Variants in SESTD1 observed in about 807,000 individuals in gnomAD.
SESTD1 encodes the protein SEC14 and spectrin domain containing 1, also known as SEC14 domain and spectrin repeat-containing protein 1.
A neutral mutation model predicts 101.7 loss-of-function variants in SESTD1; 43 were observed. That is an observed-to-expected ratio of 0.42 (90% CI 0.33 to 0.55). The LOEUF is 0.55. Among genes scored for constraint, SESTD1 ranks in the 20% least tolerant of loss-of-function variants. SESTD1 has a pLI of 0.07. For synonymous variants in SESTD1, 283 were observed against 286.8 expected, an observed-to-expected ratio of 0.99 and a Z score of 0.13; for missense variants, 647 against 815.1, an observed-to-expected ratio of 0.79 and a Z score of 2.51.
chr2:179,203,187 A>C (rs1192620515), intron 1 of SESTD1, among the ~76,000 whole-genome samples: 1 of 133,672 alleles, frequency 7.5e-6, no homozygotes, highest in Non-Finnish European at 1.6e-5. Context: ...TTGCAGCATG[A>C]CTCTATACAA....
At chr2:179,239,545 G>C (rs985574083) in intron 1 of SESTD1, among the ~76,000 whole-genome samples, 8 of 152,080 alleles carry the variant, frequency 5.3e-5, no homozygotes, top group African/African-American at 1.9e-4. Flanking sequence ...ATCATGTGGG[G>C]AGCTTTTAAA....
intron 1 of SESTD1, among the ~76,000 whole-genome samples, chr2:179,239,524 T>C (rs1359011523): frequency 6.6e-6 from 1 of 152,140 alleles, no homozygotes; most frequent in African/African-American, 2.4e-5. Flanking sequence ...TTAACCCAGC[T>C]ACACATTAGA....
chr2:179,215,758 C>T lies in SESTD1; in HGVS notation c.-25-23892G>A, dbSNP rs1212470465. On this transcript the variant is annotated intron_variant, in intron 1 of 17. Coordinates refer to ENST00000428443, the MANE Select transcript of SESTD1 (RefSeq NM_178123.5). ...AAATCCTCAATAAAATACTGGCAAA[C>T]CAAATCCAGCAGCACATCAATAGCT... Among the ~76,000 whole-genome samples the T allele has an allele frequency of 1.5e-5, 2 of 135,012 alleles. 1 individual carries two copies. The highest frequency in any genetic ancestry group is 5.9e-5 in the African/African-American group (2 of 34,108). 88.6% of individuals were successfully genotyped at this position (135,012 alleles called of 152,430 possible).
chr2:179,180,604 A>G (rs1402059434), intron 3 of SESTD1, among the ~76,000 whole-genome samples: 2 of 152,222 alleles, frequency 1.3e-5, no homozygotes. Context: ...TGATAAAAAC[A>G]AAGTACATTA....
At chr2:179,151,432 C>CTA (rs1427151866) in intron 5 of SESTD1, 41 bp from the exon 6 acceptor site, 2 of 1,452,514 alleles carry the variant, frequency 1.4e-6, no homozygotes, top group Non-Finnish European at 1.9e-6. Flanking sequence ...TAGTAACCCA[C>CTA]TATTAAAATC....
intron 1 of SESTD1, among the ~76,000 whole-genome samples, chr2:179,253,506 T>A (rs1279910256): frequency 8.5e-5 from 13 of 152,206 alleles, no homozygotes; most frequent in Admixed American, 7.2e-4. Flanking sequence ...GTTCTGCAAA[T>A]CCAAAATTAT....
chr2:179,165,740 C>T, intron 5 of SESTD1, among the ~76,000 whole-genome samples: 1 of 152,328 alleles, frequency 6.6e-6, no homozygotes, highest in South Asian at 2.1e-4. Flanking sequence ...GATCCAGCAG[C>T]CTTGGTCATC....
At chr2:179,128,320 T>C (rs368685691) in intron 10 of SESTD1, among the ~76,000 whole-genome samples, 49 of 152,320 alleles carry the variant, frequency 3.2e-4, no homozygotes, top group African/African-American at 1.0e-3. Context: ...GACATTGATA[T>C]TACCGATTGA....
chr2:179,103,666 CTATTTA>C lies in SESTD1; in HGVS notation c.*6227_*6232del, dbSNP rs914371264. 6.6e-6 allele frequency: 1 copy of C among 151,988 alleles called. No homozygotes were observed. The highest frequency in any genetic ancestry group is 1.5e-5 in the Non-Finnish European group (1 of 68,004). 9.4% of individuals were successfully genotyped at this position (151,988 alleles called of 1,614,324 possible). A position where few individuals can be genotyped will look rare whatever the true frequency, so the allele number is the denominator to read the frequency against. Reference sequence around the variant, plus strand: ...AGAAAAGCGTACATGTTGCGTGACTCTATTTATATAAAGTTTTAGAACAGAAAAATC... The same window carrying C: ...AGAAAAGCGTACATGTTGCGTGACTCTATAAAGTTTTAGAACAGAAAAATC... On this transcript the variant is annotated 3_prime_UTR_variant, in exon 18 of 18. Transcript: ENST00000428443.
intron 8 of SESTD1, 21 bp from the exon 9 acceptor site, chr2:179,143,824 T>C: frequency 6.2e-7 from 1 of 1,605,790 alleles, no homozygotes; most frequent in Non-Finnish European, 8.5e-7. Context: ...AAAAGATACT[T>C]GAAATTAATA....
At chr2:179,137,785 G>C (rs550112004) in intron 9 of SESTD1, among the ~76,000 whole-genome samples, 33 of 152,082 alleles carry the variant, frequency 2.2e-4, no homozygotes, top group Non-Finnish European at 3.5e-4. Context: ...TTTCAGTGAT[G>C]AGTCATTAAA....
intron 1 of SESTD1, among the ~76,000 whole-genome samples, chr2:179,244,486 A>AC (rs1277486665): frequency 6.6e-6 from 1 of 151,926 alleles, no homozygotes. Flanking sequence ...AAAAAAAAAA[A>AC]ACATGGAGGC....
At position 179,246,699 on chromosome 2, in the gene SESTD1, G is replaced by C. The variant is rs565704445; in HGVS notation, c.-26+17800C>G. The stretch of plus-strand genomic sequence containing the variant: ...AGATAGATCAAACCAAGATAGACCT[G>C]AGCAATAAAGCAAATCTCAACAAAT... On this transcript the variant is annotated intron_variant, in intron 1 of 17. Transcript: ENST00000428443. Among the ~76,000 whole-genome samples, 4 of 152,268 alleles carry C rather than the reference G, an allele frequency of 2.6e-5. No individual in the cohort carries two copies. In the East Asian group the frequency reaches 7.7e-4, roughly 29 times the overall value.
At chr2:179,149,438 A>T (rs767445116) in intron 6 of SESTD1, 44 bp from the exon 7 acceptor site, 1 of 1,288,576 alleles carries the variant, frequency 7.8e-7, no homozygotes, top group Admixed American at 2.4e-5. Context: ...AGTCTTAAAA[A>T]TTAATATGTA....
At chr2:179,238,535 G>C (rs1262876340) in intron 1 of SESTD1, among the ~76,000 whole-genome samples, 1 of 152,090 alleles carries the variant, frequency 6.6e-6, no homozygotes. Flanking sequence ...ACCATTCCTA[G>C]AGATTAACCT....
intron 13 of SESTD1, among the ~76,000 whole-genome samples, chr2:179,121,361 T>A (rs1002524151): frequency 6.6e-6 from 1 of 152,174 alleles, no homozygotes; most frequent in African/African-American, 2.4e-5. Context: ...ATGAGAACAA[T>A]GAATGTGTGA....
intron 5 of SESTD1, among the ~76,000 whole-genome samples, chr2:179,155,907 A>G (rs1170206827): frequency 2.0e-5 from 3 of 151,862 alleles, no homozygotes; most frequent in Admixed American, 2.0e-4. Context: ...CCTTTCCCCC[A>G]AGTCTCCAAA....
chr2:179,138,682 T>C (rs575342060), intron 9 of SESTD1, among the ~76,000 whole-genome samples: 1 of 151,890 alleles, frequency 6.6e-6, no homozygotes, highest in Admixed American at 6.6e-5. Context: ...CTGGGAAGCA[T>C]GGTGAAACCC....
At chr2:179,249,203 C>A (rs1200346870) in intron 1 of SESTD1, among the ~76,000 whole-genome samples, 3 of 115,422 alleles carry the variant, frequency 2.6e-5, no homozygotes, top group South Asian at 5.7e-4. Context: ...AAATAAAAGG[C>A]ATACAGATTA....
Sources: allele counts gnomAD v4.1 joint callset (sites outside exome capture counted in the v4.1 genomes callset), GRCh38; gene constraint gnomAD v4.1.1; transcripts MANE v1.5; gene names NCBI Gene and HGNC (gene_info 2026-07-23, HGNC 2026-07-21).